Variants in CACNA2D2 observed in about 807,000 individuals in gnomAD.
CACNA2D2 encodes voltage-dependent calcium channel subunit alpha-2/delta-2.
CACNA2D2 carries 48 observed loss-of-function variants against 166.4 expected under a neutral mutation model. That is an observed-to-expected ratio of 0.29 (90% CI 0.23 to 0.37). The LOEUF (loss-of-function observed/expected upper bound fraction) is 0.37, where lower values mean the gene tolerates loss of function less well. Ranked by LOEUF, CACNA2D2 falls within the 10% of genes least tolerant of loss-of-function variation. CACNA2D2 has a pLI of 1.00. For synonymous variants in CACNA2D2, 561 were observed against 573.7 expected (o/e 0.98, Z 0.32); for missense variants, 1,122 against 1,433.0 (o/e 0.78, Z 3.50).
At chr3:50,472,962 C>T (rs577722066) in intron 2 of CACNA2D2, among the ~76,000 whole-genome samples, 1 of 152,288 alleles carries the variant, frequency 6.6e-6, no homozygotes, top group African/African-American at 2.4e-5. Context: ...AGGGGGACAT[C>T]ACAGTAGGGT....
At position 50,379,268 on chromosome 3, in the gene CACNA2D2, G is replaced by T; in HGVS notation, c.1153-69C>A. On this transcript the variant is annotated intron_variant, in intron 11 of 37. Coordinates refer to ENST00000424201, the MANE Select transcript of CACNA2D2 (RefSeq NM_006030.4). This position sits in a 1 kb window ranked among gnomAD's most constrained non-coding sequence, Gnocchi z 6.5. ...GGTCCAGGGGCAGGGCCTCCCTCCCGCAGTGGGCCTGGACCTCTGGCCCTC... is the reference window on the plus strand; with the variant it reads ...GGTCCAGGGGCAGGGCCTCCCTCCCTCAGTGGGCCTGGACCTCTGGCCCTC... 1 of 1,475,788 alleles carries T rather than the reference G, an allele frequency of 6.8e-7. No homozygotes were observed. Among genetic ancestry groups the T allele is most frequent in the African/African-American group, 1.4e-5 (1 of 72,310 alleles). 91.4% of individuals were successfully genotyped at this position (1,475,788 alleles called of 1,614,324 possible).
intron 2 of CACNA2D2, among the ~76,000 whole-genome samples, chr3:50,441,198 T>A (rs991955258): frequency 6.6e-6 from 1 of 151,958 alleles, no homozygotes; most frequent in Non-Finnish European, 1.5e-5. Flanking sequence ...TGGTCCCTCG[T>A]CCTCAAGAGG....
chr3:50,414,295 G>A (rs991693528), intron 3 of CACNA2D2, among the ~76,000 whole-genome samples: 1 of 152,046 alleles, frequency 6.6e-6, no homozygotes, highest in Non-Finnish European at 1.5e-5. Context: ...GCCCAGGTAT[G>A]GTCCTTACAG....
intron 3 of CACNA2D2, among the ~76,000 whole-genome samples, chr3:50,399,619 G>A (rs1029778140): frequency 2.6e-5 from 4 of 152,134 alleles, no homozygotes; most frequent in Non-Finnish European, 5.9e-5. Context: ...CAAGACTCAC[G>A]AGAAGTAGAT....
chr3:50,431,528 G>A (rs1233251694), intron 3 of CACNA2D2, among the ~76,000 whole-genome samples: 1 of 152,120 alleles, frequency 6.6e-6, no homozygotes, highest in East Asian at 1.9e-4. Context: ...GCCATATCCT[G>A]GCCTGATGCA....
rs998759379 is a variant in CACNA2D2 at position 50,363,154 on chromosome 3, G to A, written c.*1512C>T. The A allele has an allele frequency of 2.5e-6, 1 of 398,786 alleles. No individual in the cohort carries two copies. Among genetic ancestry groups the A allele is most frequent in the Non-Finnish European group, 4.4e-6 (1 of 226,050 alleles). The allele number at this position is 398,786 out of a possible 1,614,324, so 24.7% of individuals were successfully genotyped here. ...TGTATATGTTTATATTCTCCATTGA[G>A]CACCTGACTACACTACAGTTACACG... On this transcript the variant is annotated 3_prime_UTR_variant, in exon 38 of 38. Coordinates refer to ENST00000424201, the MANE Select transcript of CACNA2D2 (RefSeq NM_006030.4).
At chr3:50,409,885 AG>A (rs1706912053) in intron 3 of CACNA2D2, among the ~76,000 whole-genome samples, 1 of 152,164 alleles carries the variant, frequency 6.6e-6, no homozygotes, top group African/African-American at 2.4e-5. Context: ...AGAGGGTCCA[AG>A]CTCTGCCTCA....
At chr3:50,480,498 A>C (rs538564587) in intron 1 of CACNA2D2, among the ~76,000 whole-genome samples, 14 of 151,876 alleles carry the variant, frequency 9.2e-5, no homozygotes, top group Non-Finnish European at 1.6e-4. Flanking sequence ...GGGAGGGGGC[A>C]CTGCAGAAGA....
intron 3 of CACNA2D2, chr3:50,416,317 C>T (rs1446158222): frequency 2.0e-5 from 3 of 152,462 alleles, no homozygotes; most frequent in African/African-American, 7.2e-5. Context: ...GAGAGATTCC[C>T]AGGAAGAAAG....
chr3:50,453,512 C>G (rs1286521553), intron 2 of CACNA2D2, among the ~76,000 whole-genome samples: 1 of 152,226 alleles, frequency 6.6e-6, no homozygotes, highest in Non-Finnish European at 1.5e-5. Flanking sequence ...GTCCTTCACA[C>G]CCGGGATCCC....
chr3:50,364,567 G>A lies in CACNA2D2; in HGVS notation c.*99C>T, dbSNP rs1354558095. On this transcript the variant is annotated 3_prime_UTR_variant, in exon 38 of 38. Transcript: ENST00000424201. The stretch of plus-strand genomic sequence containing the variant: ...TGGCCAGCTCAGGTCCTTCAGTGAG[G>A]GAGGGACGAGGCTCTAAGGCGGGGA... 7.4e-7 allele frequency: 1 copy of A among 1,356,412 alleles called. No individual in the cohort carries two copies. Among genetic ancestry groups the A allele is most frequent in the Non-Finnish European group, 9.7e-7 (1 of 1,025,834 alleles). The allele number at this position is 1,356,412 out of a possible 1,614,324, so 84.0% of individuals were successfully genotyped here. A position where few individuals can be genotyped will look rare whatever the true frequency, so the allele number is the denominator to read the frequency against.
chr3:50,404,933 T>C (rs932517532), intron 3 of CACNA2D2, among the ~76,000 whole-genome samples: 4 of 152,150 alleles, frequency 2.6e-5, no homozygotes, highest in African/African-American at 9.7e-5. Context: ...TGCATGGGAA[T>C]GTATTCCCAC....
In CACNA2D2 at chr3:50,370,311, G is replaced by A. The variant is rs781061359; in HGVS notation, c.2045+9C>T. On this transcript the variant is annotated intron_variant, in intron 23 of 37. Transcript: ENST00000424201. ...GGAGGACACCTCAGCAAGGCCACAC[G>A]CAAGCTACCTGGGAGCAATGAAAAC... 22 of 1,575,720 alleles carry A rather than the reference G, an allele frequency of 1.4e-5. No individual in the cohort carries two copies. The highest frequency in any genetic ancestry group is 1.8e-5 in the Non-Finnish European group (21 of 1,161,296).
At position 50,374,820 on chromosome 3, in the gene CACNA2D2, G is replaced by T. The variant is rs1355143765; in HGVS notation, c.1908-7C>A. The T allele has an allele frequency of 1.9e-6, 3 of 1,585,364 alleles. No individual in the cohort carries two copies. Among genetic ancestry groups the T allele is most frequent in the African/African-American group, 1.3e-5 (1 of 74,376 alleles). Reference sequence around the variant, plus strand: ...TGGGAGCACCAGCCCCAGGCTGAGGGGGGAGAAGCTCGGGTCACGGCTGGG... The same window carrying T: ...TGGGAGCACCAGCCCCAGGCTGAGGTGGGAGAAGCTCGGGTCACGGCTGGG... On this transcript the variant is annotated splice_polypyrimidine_tract_variant and splice_region_variant and intron_variant, in intron 21 of 37. Transcript: ENST00000424201.
chr3:50,396,345 C>T (rs1706150877), intron 3 of CACNA2D2, among the ~76,000 whole-genome samples: 1 of 152,188 alleles, frequency 6.6e-6, no homozygotes, highest in African/African-American at 2.4e-5. Flanking sequence ...CCACACAACA[C>T]CTGGAGCCTT....
At chr3:50,419,300 G>A (rs1707431350) in intron 3 of CACNA2D2, among the ~76,000 whole-genome samples, 1 of 152,154 alleles carries the variant, frequency 6.6e-6, no homozygotes, top group African/African-American at 2.4e-5. Flanking sequence ...AAGGGGGATG[G>A]GCCAGCCCTT....
intron 23 of CACNA2D2, among the ~76,000 whole-genome samples, chr3:50,368,977 C>A (rs1704503613): frequency 6.6e-6 from 1 of 152,206 alleles, no homozygotes; most frequent in African/African-American, 2.4e-5. Flanking sequence ...CACCAGGGAC[C>A]GCTTCATTGT....
intron 5 of CACNA2D2, 124 bp from the exon 6 acceptor site, chr3:50,384,461 C>T: frequency 4.5e-6 from 5 of 1,121,972 alleles, no homozygotes; most frequent in Non-Finnish European, 6.4e-6. Context: ...AAAAGAGAGA[C>T]TATTGCAGTA....
At chr3:50,371,180 G>A (rs1575591305) in intron 22 of CACNA2D2, among the ~76,000 whole-genome samples, 1 of 152,126 alleles carries the variant, frequency 6.6e-6, no homozygotes, top group South Asian at 2.1e-4. Context: ...GGCTAAGGGC[G>A]TGGAGACGGG....
Sources: allele counts gnomAD v4.1 joint callset (sites outside exome capture counted in the v4.1 genomes callset), GRCh38; gene constraint gnomAD v4.1.1; non-coding constraint Gnocchi (gnomAD v3.1); transcripts MANE v1.5; gene names NCBI Gene and HGNC (gene_info 2026-07-23, HGNC 2026-07-21).